Variants in ZSCAN25 observed in about 807,000 individuals in gnomAD.
ZSCAN25 encodes zinc finger and SCAN domain containing 25, also known as zinc finger and SCAN domain-containing protein 25.
Under a neutral mutation model 38.7 loss-of-function variants are expected in ZSCAN25, and 27 were observed. That is an observed-to-expected ratio of 0.70 (90% CI 0.51 to 0.96). The LOEUF (loss-of-function observed/expected upper bound fraction) is 0.96, where lower values mean the gene tolerates loss of function less well. ZSCAN25 is among the 40% of genes least tolerant of loss of function. The pLI, the probability that ZSCAN25 is intolerant of heterozygous loss-of-function variation, is 0.00. For missense variants in ZSCAN25, 637 were observed against 705.9 expected (o/e 0.90, Z 1.11); for synonymous variants, 273 against 277.7 (o/e 0.98, Z 0.17).
intron 1 of ZSCAN25, among the ~76,000 whole-genome samples, chr7:99,617,778 A>T (rs1018251091): frequency 1.3e-5 from 2 of 152,178 alleles, no homozygotes; most frequent in Non-Finnish European, 2.9e-5. Flanking sequence ...GTGGGGGGAG[A>T]TAAAGAATAG....
chr7:99,708,768 T>A, the ZSCAN25 span, among the ~76,000 whole-genome samples: 2 of 152,014 alleles, frequency 1.3e-5, no homozygotes, highest in African/African-American at 4.8e-5. Flanking sequence ...TTTAAAAGAG[T>A]CCTTACATTT....
the ZSCAN25 span, among the ~76,000 whole-genome samples, chr7:99,654,524 T>C: frequency 6.6e-6 from 1 of 152,244 alleles, no homozygotes; most frequent in African/African-American, 2.4e-5. Context: ...CTATTGTGAA[T>C]AGTGCTGCAA....
rs1584346863 is a variant in ZSCAN25, at chr7:99,621,346, C to T, written c.388-27C>T. ...ATAACAGCCTTGCCCAGGCCTCATT[C>T]TAATCGGTGTTGGGAACTGTTCTTA... On this transcript the variant is annotated intron_variant, in intron 4 of 7. Transcript: ENST00000394152. 3.0e-6 allele frequency: 4 copies of T among 1,331,078 alleles called. No homozygotes were observed. In the Admixed American group the frequency reaches 1.2e-4, roughly 39 times the overall value. 82.5% of individuals were successfully genotyped at this position (1,331,078 alleles called of 1,614,324 possible). A position where few individuals can be genotyped will look rare whatever the true frequency, so the allele number is the denominator to read the frequency against.
chr7:99,714,350 T>A, the ZSCAN25 span, among the ~76,000 whole-genome samples: 1 of 152,194 alleles, frequency 6.6e-6, no homozygotes, highest in Non-Finnish European at 1.5e-5. Flanking sequence ...AAATTTTAAG[T>A]GCTCTCTCTG....
the ZSCAN25 span, among the ~76,000 whole-genome samples, chr7:99,734,207 A>G: frequency 6.6e-6 from 1 of 152,196 alleles, no homozygotes; most frequent in Non-Finnish European, 1.5e-5. Flanking sequence ...CGAGGTTTGT[A>G]TTTTCTGTTT....
rs1808043978 is a variant in ZSCAN25, at chr7:99,632,071, C to T, written c.*2051C>T. The T allele has an allele frequency of 1.0e-6, 1 of 985,422 alleles. No homozygotes were observed. Among genetic ancestry groups the T allele is most frequent in the Non-Finnish European group, 1.2e-6 (1 of 829,966 alleles). The allele number at this position is 985,422 out of a possible 1,614,324, so 61.0% of individuals were successfully genotyped here. A position where few individuals can be genotyped will look rare whatever the true frequency, so the allele number is the denominator to read the frequency against. On this transcript the variant is annotated 3_prime_UTR_variant, in exon 8 of 8. Coordinates refer to ENST00000394152, the MANE Select transcript of ZSCAN25 (RefSeq NM_145115.3). ...ACCTGAATCACAGATGCTCTTTTGT[C>T]ATACACAGCCAGCATTCCTCTGGGT...
At chr7:99,667,360 T>C in the ZSCAN25 span, among the ~76,000 whole-genome samples, 1 of 152,132 alleles carries the variant, frequency 6.6e-6, no homozygotes, top group African/African-American at 2.4e-5. Context: ...GTTCTTCCAG[T>C]GGAATAGACA....
chr7:99,705,536 C>G, the ZSCAN25 span: 3 of 1,613,668 alleles, frequency 1.9e-6, no homozygotes, highest in East Asian at 4.5e-5. Context: ...TTGACTCAGC[C>G]TTTAGAACAA....
At chr7:99,658,219 C>G in the ZSCAN25 span, among the ~76,000 whole-genome samples, 1 of 152,130 alleles carries the variant, frequency 6.6e-6, no homozygotes, top group Non-Finnish European at 1.5e-5. Context: ...GTGGCTGGTA[C>G]CAGTTGTTCC....
the ZSCAN25 span, among the ~76,000 whole-genome samples, chr7:99,644,089 T>C: frequency 6.6e-6 from 1 of 152,106 alleles, no homozygotes; most frequent in African/African-American, 2.4e-5. Context: ...CAGTGTTCTT[T>C]CTCCAGTGTT....
At chr7:99,730,049 C>T in the ZSCAN25 span, among the ~76,000 whole-genome samples, 2 of 152,116 alleles carry the variant, frequency 1.3e-5, no homozygotes, top group Non-Finnish European at 1.5e-5. Context: ...CTCAGGTATG[C>T]AGGTCAGATT....
At position 99,629,724 on chromosome 7, in the gene ZSCAN25, C is replaced by T; in HGVS notation, c.1339C>T (p.Gln447Ter). 6.2e-7 allele frequency: 1 copy of T among 1,613,982 alleles called. No individual in the cohort carries two copies. The highest frequency in any genetic ancestry group is 8.5e-7 in the Non-Finnish European group (1 of 1,179,994). ...GAGCTTCAGCCGCAGGCAGCACCTG[C>T]AGGTGCACCGGAGGACGCACACCGG... ...WKSFSRRQHLQVHRRTHTGEK... is the reference protein window; with the variant it reads ...WKSFSRRQHL The change falls in exon 8 of 8, where the codon CAG (glutamine) becomes TAG (stop). Residue 447 changes from glutamine (Q) to a stop codon, truncating the protein, a stop_gained. Transcript: ENST00000394152. LOFTEE classifies it high-confidence loss of function. The surrounding 1 kb of genome is among the most constrained non-coding windows in gnomAD (Gnocchi z 5.6).
chr7:99,698,171 C>A, the ZSCAN25 span, among the ~76,000 whole-genome samples: 1 of 152,218 alleles, frequency 6.6e-6, no homozygotes, highest in Admixed American at 6.5e-5. Flanking sequence ...CTAAGGAGGG[C>A]ATGGTCTACA....
At chr7:99,682,516 T>C in the ZSCAN25 span, among the ~76,000 whole-genome samples, 2 of 152,258 alleles carry the variant, frequency 1.3e-5, no homozygotes. Context: ...CATACTGTTT[T>C]GGTTATTATA....
At chr7:99,705,414 A>T in the ZSCAN25 span, 1 of 1,446,266 alleles carries the variant, frequency 6.9e-7, no homozygotes, top group South Asian at 1.1e-5. Context: ...TCTTCATTTC[A>T]GGGTTCTATT....
the ZSCAN25 span, chr7:99,705,205 G>C: frequency 3.1e-6 from 1 of 322,998 alleles, no homozygotes; most frequent in South Asian, 3.7e-5. Context: ...TGTTATCAGA[G>C]CTCAGGAGGA....
chr7:99,736,195 G>A, the ZSCAN25 span, among the ~76,000 whole-genome samples: 1 of 152,250 alleles, frequency 6.6e-6, no homozygotes, highest in Admixed American at 6.5e-5. Context: ...TGGAAATACT[G>A]CATGTCTGGA....
Position 99,621,480 on chromosome 7 carries a change from G to GC in ZSCAN25, c.500dup (p.Gly168TrpfsTer22). 1.9e-6 allele frequency: 3 copies of GC among 1,578,198 alleles called. No homozygotes were observed. The highest frequency in any genetic ancestry group is 2.6e-6 in the Non-Finnish European group (3 of 1,157,748). Reference sequence around the variant, plus strand: ...TGGAGGTCAAGCCTGAATGGGGGATGCCCCCTGGGGAAGGAGTTCAAGGTC... The same window carrying GC: ...TGGAGGTCAAGCCTGAATGGGGGATGCCCCCCTGGGGAAGGAGTTCAAGGTC... On this transcript the variant is annotated frameshift_variant, in exon 5 of 8. Coordinates refer to ENST00000394152, the MANE Select transcript of ZSCAN25 (RefSeq NM_145115.3). LOFTEE classifies it high-confidence loss of function.
chr7:99,633,137 C>T (rs1274897297), downstream of ZSCAN25, among the ~76,000 whole-genome samples: 2 of 152,096 alleles, frequency 1.3e-5, no homozygotes, highest in Non-Finnish European at 2.9e-5. Context: ...AGGCATGTGC[C>T]ACCATGCCCA....
Sources: gnomAD v4.1 joint callset for allele counts (sites outside exome capture counted in the v4.1 genomes callset) on GRCh38, gnomAD v4.1.1 for gene constraint, Gnocchi (gnomAD v3.1) non-coding constraint, MANE v1.5 for transcripts, NCBI Gene and HGNC (gene_info 2026-07-23, HGNC 2026-07-21) for gene names.